The following NPC1L1 variants were observed in gnomAD, a reference collection of about 807,000 sequenced individuals.
NPC1L1 encodes NPC1 like intracellular cholesterol transporter 1.
In NPC1L1, 98 loss-of-function variants were observed where a neutral mutation model predicts 117.0. The ratio of observed to expected loss-of-function variants is 0.84; its 90% CI spans 0.71 to 0.99. The LOEUF is 0.99. NPC1L1 is among the 50% of genes least tolerant of loss of function. The pLI, the probability that NPC1L1 is intolerant of heterozygous loss-of-function variation, is 0.00. For missense variants in NPC1L1, 1,540 were observed against 1,710.0 expected, an observed-to-expected ratio of 0.90 and a Z score of 1.75; for synonymous variants, 729 against 727.6, an observed-to-expected ratio of 1.00 and a Z score of -0.03.
Position 44,539,299 on chromosome 7 carries a change from C to G in NPC1L1, c.1098G>C (p.Leu366Phe). ...GTTCTGTAAAGACCAGGCCCGCTGC[C>G]AAGGCCACCACCGGGATGACAGATA... is the stretch of plus-strand genomic sequence containing the variant. ...LVLSVIPVVA[L>F]AAGLVFTELT... is the part of the protein sequence containing the mutation. Residue 366 changes from leucine (L) to phenylalanine (F), a missense_variant, in exon 2 of 19, where the codon TTG (leucine) becomes TTC (phenylalanine). Around this residue, in one of 3 missense-constraint regions of NPC1L1, gnomAD observed 793 missense variants for 820.4 expected, o/e 0.97. Transcript: ENST00000381160. This position sits in a 1 kb window ranked among gnomAD's most constrained non-coding sequence, Gnocchi z 4.4. The G allele has an allele frequency of 1.2e-6, 2 of 1,613,924 alleles. No individual in the cohort carries two copies. The highest frequency in any genetic ancestry group is 1.7e-6 in the Non-Finnish European group (2 of 1,179,982).
chr7:44,518,819 T>A (rs1260907082), intron 14 of NPC1L1, among the ~76,000 whole-genome samples: 1 of 152,164 alleles, frequency 6.6e-6, no homozygotes, highest in African/African-American at 2.4e-5. Flanking sequence ...CCTGGAGAAC[T>A]TCCCACCAGG....
rs199897840 is a variant in NPC1L1, at chr7:44,539,796, G to A, written c.601C>T (p.Arg201Cys). 114 of 1,614,156 alleles carry A rather than the reference G, an allele frequency of 7.1e-5. No homozygotes were observed. The highest frequency in any genetic ancestry group is 8.3e-5 in the Non-Finnish European group (98 of 1,180,042). The part of the protein sequence containing the change: ...VYGSALCNAQ[R>C]WLNFQGDTGN... Reference sequence around the variant, plus strand: ...GTGTCTCCCTGGAAGTTGAGCCAGCGCTGGGCATTGCAAAGGGCAGAGCCA... The same window carrying A: ...GTGTCTCCCTGGAAGTTGAGCCAGCACTGGGCATTGCAAAGGGCAGAGCCA... The change falls in exon 2 of 19, where the codon CGC (arginine) becomes TGC (cysteine). Residue 201 changes from arginine to cysteine, a missense_variant. By Grantham distance (180) the Arg-to-Cys change is radical (BLOSUM62 -3). This residue lies in a region of NPC1L1 where 793 missense variants were observed against 820.4 expected (regional missense o/e 0.97). Transcript: ENST00000381160. This position sits in a 1 kb window ranked among gnomAD's most constrained non-coding sequence, Gnocchi z 4.4.
Position 44,513,675 on chromosome 7 carries a change from C to CA in NPC1L1, c.3797-27dup, listed in dbSNP as rs773983881. On this transcript the variant is annotated intron_variant, in intron 18 of 18. Transcript: ENST00000381160. ...CTGCGGAGAGACAGAGAACCACAGT[C>CA]AGAGAGGTGGGCAGGGGACACAGGT... 18 of 1,608,996 alleles carry CA rather than the reference C, an allele frequency of 1.1e-5. No individual in the cohort carries two copies. The East Asian group carries it at 3.6e-4, about 32-fold the overall frequency.
At chr7:44,533,244 TCAAAAC>T in intron 8 of NPC1L1, 181 bp downstream of exon 8, 1 of 655,202 alleles carries the variant, frequency 1.5e-6, no homozygotes, top group Non-Finnish European at 2.5e-6. Flanking sequence ...TAAAAAATTG[TCAAAAC>T]AAATTTATTT....
rs1387661155 is a variant in NPC1L1 at position 44,513,133 on chromosome 7, CT to C, written c.*313del. On this transcript the variant is annotated 3_prime_UTR_variant, in exon 19 of 19. Coordinates refer to ENST00000381160, the MANE Select transcript of NPC1L1 (RefSeq NM_001101648.2). ...GAAAAGTTGGATGAGAAGTGGGCTC[CT>C]AGGAAAGTGAGTGAGTGTGGGACAA... 1.4e-5 allele frequency: 6 copies of C among 427,800 alleles called. No homozygotes were observed. The highest frequency in any genetic ancestry group is 1.2e-4 in the African/African-American group (6 of 49,834). 26.5% of individuals were successfully genotyped at this position (427,800 alleles called of 1,614,324 possible).
Position 44,535,701 on chromosome 7 carries a change from A to C in NPC1L1, c.1983+139T>G, listed in dbSNP as rs1801861075. 3 of 1,100,112 alleles carry C rather than the reference A, an allele frequency of 2.7e-6. No individual in the cohort carries two copies. The African/African-American group carries it at 4.6e-5, about 17-fold the overall frequency. The allele number at this position is 1,100,112 out of a possible 1,614,324, so 68.1% of individuals were successfully genotyped here. ...TCAGCACAGAACACTTGCAAGAGGTATTACCCTTTGGGGCAGCCACTTGGG... is the reference window on the plus strand; with the variant it reads ...TCAGCACAGAACACTTGCAAGAGGTCTTACCCTTTGGGGCAGCCACTTGGG... On this transcript the variant is annotated intron_variant, in intron 5 of 18. Transcript: ENST00000381160.
rs759254118 is a variant in NPC1L1 at position 44,521,768 on chromosome 7, C to T, written c.2897G>A (p.Cys966Tyr). ...GGGGCCAGATATATAAAGGCGGCAG[C>T]AGGAGGACGGGGTCAGCCAGTCAAT... ...DFIDWLTPSS[C>Y]CRLYISGPNK... Residue 966 changes from cysteine (C) to tyrosine (Y), a missense_variant, in exon 12 of 19, where the codon TGC becomes TAC. Physicochemically the swap from Cys to Tyr is radical, Grantham distance 194 (BLOSUM62 -2). Around this residue, in one of 3 missense-constraint regions of NPC1L1, gnomAD observed 742 missense variants for 873.6 expected, o/e 0.85. Transcript: ENST00000381160. 1 of 1,614,162 alleles carries T rather than the reference C, an allele frequency of 6.2e-7. No homozygotes were observed. The highest frequency in any genetic ancestry group is 1.1e-5 in the South Asian group (1 of 91,076).
At position 44,538,966 on chromosome 7, in the gene NPC1L1, C is replaced by T. The variant is rs752328179; in HGVS notation, c.1431G>A (p.Pro477=). Residue 477 remains proline (P), a synonymous_variant, in exon 2 of 19, where the codon CCG becomes CCA. Transcript: ENST00000381160. The surrounding 1 kb of genome is among the most constrained non-coding windows in gnomAD (Gnocchi z 5.9). ...AGCAGTCGTAGAGACTGGTATTGTC[C>T]GGATTGAGGGGGGCGTAGCAGATGT... The part of the protein sequence containing the change: ...LQDICYAPLN[P]DNTSLYDCCI... 3.0e-5 allele frequency: 49 copies of T among 1,614,020 alleles called. No individual in the cohort carries two copies. In the East Asian group the frequency reaches 8.9e-4, roughly 29 times the overall value.
intron 1 of NPC1L1, among the ~76,000 whole-genome samples, 157 bp downstream of exon 1, chr7:44,541,049 T>G (rs1293844284): frequency 6.6e-6 from 1 of 152,120 alleles, no homozygotes; most frequent in Non-Finnish European, 1.5e-5. Context: ...CCCTCCTCTG[T>G]GGGGCCTGGC....
rs367883417 is a variant in NPC1L1, at chr7:44,532,067, G to C, written c.2547+13C>G. The C allele has an allele frequency of 2.4e-5, 38 of 1,614,108 alleles. No individual in the cohort carries two copies. The African/African-American group carries it at 3.1e-4, about 13-fold the overall frequency. On this transcript the variant is annotated intron_variant, in intron 9 of 18. Coordinates refer to ENST00000381160, the MANE Select transcript of NPC1L1 (RefSeq NM_001101648.2). The stretch of plus-strand genomic sequence containing the variant: ...TAGTGCCCCTGCTCTCGTGTGGTTC[G>C]AGGCCCACTCACCACAACACCTCGA...
At chr7:44,514,733 G>C (rs1801132421) in intron 18 of NPC1L1, among the ~76,000 whole-genome samples, 1 of 151,682 alleles carries the variant, frequency 6.6e-6, no homozygotes, top group African/African-American at 2.4e-5. Flanking sequence ...TGGGCACAGT[G>C]GCTCACGCCT....
chr7:44,536,506 C>T lies in NPC1L1; in HGVS notation c.1682-78G>A, dbSNP rs1248789444. 27 of 1,490,064 alleles carry T rather than the reference C, an allele frequency of 1.8e-5. No homozygotes were observed. The highest frequency in any genetic ancestry group is 5.0e-5 in the Admixed American group (3 of 59,542). 92.3% of individuals were successfully genotyped at this position (1,490,064 alleles called of 1,614,324 possible). On this transcript the variant is annotated intron_variant, in intron 3 of 18. Transcript: ENST00000381160. This position sits in a 1 kb window ranked among gnomAD's most constrained non-coding sequence, Gnocchi z 4.7. ...CTCCAGCTGCACCCCTATATTCCCT[C>T]CCCCTATCTAGCTGCACCCCTCCCA... is the stretch of plus-strand genomic sequence containing the variant.
rs767282711 is a variant in NPC1L1, at chr7:44,539,779, C to T, written c.618G>A (p.Gln206=). Residue 206 remains glutamine (Q), a synonymous_variant, in exon 2 of 19, where the codon CAG becomes CAA. Coordinates refer to ENST00000381160, the MANE Select transcript of NPC1L1 (RefSeq NM_001101648.2). The surrounding 1 kb of genome is among the most constrained non-coding windows in gnomAD (Gnocchi z 4.4). ...LCNAQRWLNF[Q]GDTGNGLAPL... ...GGGCCAGACCATTGCCTGTGTCTCC[C>T]TGGAAGTTGAGCCAGCGCTGGGCAT... 7 of 1,614,174 alleles carry T rather than the reference C, an allele frequency of 4.3e-6. No individual in the cohort carries two copies. Among genetic ancestry groups the T allele is most frequent in the Non-Finnish European group, 5.9e-6 (7 of 1,180,044 alleles).
At position 44,522,156 on chromosome 7, in the gene NPC1L1, G is replaced by A. The variant is rs1585132883; in HGVS notation, c.2724C>T (p.Tyr908=). The change falls in exon 11 of 19, where the codon TAC becomes TAT. Residue 908 remains tyrosine, a synonymous_variant. Transcript: ENST00000381160. The stretch of plus-strand genomic sequence containing the variant: ...TCATCCCAGCCTCGCTGGAGAAGTT[G>A]TAGCCCAAGGTGGTAACAAAGTACA... ...APVYFVTTLG[Y]NFSSEAGMNA... is the part of the protein sequence containing the mutation. 1.2e-6 allele frequency: 2 copies of A among 1,613,984 alleles called. No individual in the cohort carries two copies. The highest frequency in any genetic ancestry group is 1.1e-5 in the South Asian group (1 of 91,068).
chr7:44,514,906 G>T (rs970962447), intron 18 of NPC1L1, among the ~76,000 whole-genome samples: 1 of 151,714 alleles, frequency 6.6e-6, no homozygotes, highest in East Asian at 1.9e-4. Flanking sequence ...CCAGCTACTT[G>T]GGAGGCTAAA....
chr7:44,533,287 G>T, intron 8 of NPC1L1, 144 bp downstream of exon 8: 2 of 931,768 alleles, frequency 2.1e-6, no homozygotes, highest in Non-Finnish European at 3.3e-6. Context: ...AGAATACATG[G>T]CCTAAATATT....
At chr7:44,525,060 C>T (rs1029232764) in intron 10 of NPC1L1, among the ~76,000 whole-genome samples, 1 of 151,928 alleles carries the variant, frequency 6.6e-6, no homozygotes, top group Non-Finnish European at 1.5e-5. Flanking sequence ...GCCTAAGGGA[C>T]CTGTCAGACA....
Position 44,522,112 on chromosome 7 carries a change from G to A in NPC1L1, c.2768C>T (p.Ala923Val). ...EAGMNAICSS[A>V]GCNNFSFTQK... The stretch of plus-strand genomic sequence containing the variant: ...GGTGAAGGAGAAGTTGTTGCAGCCT[G>A]CACTGGAGCAGATGGCATTCATCCC... The change falls in exon 11 of 19, where the codon GCA becomes GTA. Residue 923 changes from alanine to valine, a missense_variant. Coordinates refer to ENST00000381160, the MANE Select transcript of NPC1L1 (RefSeq NM_001101648.2). The A allele has an allele frequency of 6.2e-7, 1 of 1,614,032 alleles. No homozygotes were observed. The highest frequency in any genetic ancestry group is 8.5e-7 in the Non-Finnish European group (1 of 1,179,952).
At chr7:44,528,631 A>G (rs1801600202) in intron 10 of NPC1L1, among the ~76,000 whole-genome samples, 3 of 152,258 alleles carry the variant, frequency 2.0e-5, no homozygotes, top group African/African-American at 7.2e-5. Context: ...GCAATCAACT[A>G]AGCACAAAAT....
Sources: gnomAD v4.1 joint callset for allele counts (sites outside exome capture counted in the v4.1 genomes callset) on GRCh38, gnomAD v4.1.1 for gene constraint, gnomAD v4.1.1 regional missense constraint, Gnocchi (gnomAD v3.1) non-coding constraint, MANE v1.5 for transcripts, NCBI Gene and HGNC (gene_info 2026-07-23, HGNC 2026-07-21) for gene names.